NRXN3: variants seen among roughly 807,000 people sequenced by gnomAD.
NRXN3 encodes neurexin III.
NRXN3 carries 32 observed loss-of-function variants against 137.6 expected under a neutral mutation model. The observed-to-expected ratio is 0.23, with a 90% confidence interval of 0.18 to 0.31. The LOEUF (loss-of-function observed/expected upper bound fraction) is 0.31. Among genes scored for constraint, NRXN3 ranks in the 10% least tolerant of loss-of-function variants. NRXN3 has a pLI of 1.00. For missense variants in NRXN3, 1,574 were observed against 2,062.5 expected (o/e 0.76, Z 4.59); for synonymous variants, 798 against 784.5 (o/e 1.02, Z -0.29).
intron 1 of NRXN3, among the ~76,000 whole-genome samples, chr14:78,171,808 T>A (rs1165720762): frequency 6.6e-6 from 1 of 152,166 alleles, no homozygotes; most frequent in Non-Finnish European, 1.5e-5. Flanking sequence ...AGAAATATCA[T>A]CATGCAATGA....
At chr14:79,582,836 C>A (rs889403448) in intron 16 of NRXN3, among the ~76,000 whole-genome samples, 1 of 152,134 alleles carries the variant, frequency 6.6e-6, no homozygotes, top group South Asian at 2.1e-4. Context: ...AATGATTCAG[C>A]AAAACTTCAT....
At chr14:79,771,432 C>A (rs985821666) in intron 19 of NRXN3, among the ~76,000 whole-genome samples, 2 of 152,148 alleles carry the variant, frequency 1.3e-5, no homozygotes, top group Non-Finnish European at 2.9e-5. Flanking sequence ...CCACCATGAT[C>A]AAGTGGGCTT....
intron 4 of NRXN3, among the ~76,000 whole-genome samples, chr14:78,384,684 T>C (rs1050168596): frequency 6.6e-6 from 1 of 152,126 alleles, no homozygotes; most frequent in African/African-American, 2.4e-5. Flanking sequence ...CCAGATTCCC[T>C]TGCCTTTGCT....
intron 15 of NRXN3, among the ~76,000 whole-genome samples, chr14:79,446,204 C>T (rs1353340311): frequency 1.3e-5 from 2 of 152,030 alleles, no homozygotes; most frequent in African/African-American, 4.8e-5. Flanking sequence ...GGATTGGAGA[C>T]CACTAGGGCT....
intron 15 of NRXN3, among the ~76,000 whole-genome samples, chr14:79,255,839 G>A (rs1240582522): frequency 1.3e-5 from 2 of 152,166 alleles, no homozygotes; most frequent in African/African-American, 4.8e-5. Flanking sequence ...CTGATTGGTA[G>A]TGCTGCCTTA....
At chr14:79,840,824 TA>T in intron 20 of NRXN3, among the ~76,000 whole-genome samples, 1 of 152,326 alleles carries the variant, frequency 6.6e-6, no homozygotes, top group South Asian at 2.1e-4. Context: ...TTTAATTATG[TA>T]ATTATAATTT....
intron 4 of NRXN3, among the ~76,000 whole-genome samples, chr14:78,638,841 G>A (rs1474264142): frequency 6.6e-6 from 1 of 152,218 alleles, no homozygotes; most frequent in African/African-American, 2.4e-5. Flanking sequence ...GAGGGTATAT[G>A]CAGCCCCTCC....
chr14:79,046,340 A>T (rs1260011831), intron 15 of NRXN3, among the ~76,000 whole-genome samples: 1 of 152,186 alleles, frequency 6.6e-6, no homozygotes, highest in Non-Finnish European at 1.5e-5. Context: ...GAGAGGATCT[A>T]ACAATTTTTG....
At chr14:79,811,581 CT>C (rs370942970) in intron 20 of NRXN3, among the ~76,000 whole-genome samples, 97 of 116,598 alleles carry the variant, frequency 8.3e-4, no homozygotes, top group South Asian at 3.6e-3. Context: ...TTTCTTTTTT[CT>C]TTTTTTTTTT....
chr14:78,753,570 A>T (rs1308609530), intron 8 of NRXN3, among the ~76,000 whole-genome samples: 1 of 152,216 alleles, frequency 6.6e-6, no homozygotes, highest in African/African-American at 2.4e-5. Flanking sequence ...TCAGTGAATA[A>T]TGATGATAAT....
In NRXN3 at chr14:78,957,302, T is replaced by C; in HGVS notation, c.2336T>C (p.Val779Ala). 6.2e-7 allele frequency: 1 copy of C among 1,614,038 alleles called. No individual in the cohort carries two copies. The highest frequency in any genetic ancestry group is 8.5e-7 in the Non-Finnish European group (1 of 1,179,944). Residue 779 changes from valine (V) to alanine (A), a missense_variant, in exon 11 of 21, where the codon GTT (valine) becomes GCT (alanine). Around this residue, in one of 5 missense-constraint regions of NRXN3, gnomAD observed 718 missense variants for 887.6 expected, o/e 0.81. Coordinates refer to ENST00000335750, the MANE Select transcript of NRXN3 (RefSeq NM_001330195.2). ...CTCAATGACAACGAGTGGCACACCG[T>C]TCGGGTGGTGCGGAGAGGAAAAAGC... ...QKLNDNEWHT[V>A]RVVRRGKSLK...
chr14:78,909,023 C>T (rs1264136222), intron 10 of NRXN3, among the ~76,000 whole-genome samples: 1 of 152,126 alleles, frequency 6.6e-6, no homozygotes, highest in Non-Finnish European at 1.5e-5. Context: ...GCTAACACCA[C>T]AGACATCTCA....
At chr14:79,434,865 G>T (rs2095819233) in intron 15 of NRXN3, among the ~76,000 whole-genome samples, 1 of 152,164 alleles carries the variant, frequency 6.6e-6, no homozygotes, top group South Asian at 2.1e-4. Flanking sequence ...TGCATAAACG[G>T]ATCTGAGTCT....
intron 10 of NRXN3, among the ~76,000 whole-genome samples, chr14:78,848,284 C>T (rs1168655529): frequency 6.6e-6 from 1 of 152,074 alleles, no homozygotes; most frequent in Non-Finnish European, 1.5e-5. Flanking sequence ...TATATAGAGA[C>T]TGGGATAATT....
chr14:78,683,489 A>G (rs2098096562), intron 6 of NRXN3, among the ~76,000 whole-genome samples: 1 of 152,234 alleles, frequency 6.6e-6, no homozygotes. Context: ...AGAAAAACAC[A>G]CTGAACCATC....
chr14:79,582,699 A>G (rs188084433), intron 16 of NRXN3, among the ~76,000 whole-genome samples: 1 of 152,128 alleles, frequency 6.6e-6, no homozygotes, highest in Non-Finnish European at 1.5e-5. Context: ...GATTACATGC[A>G]TGAGTCCCCA....
chr14:79,436,091 A>G (rs1424954286), intron 15 of NRXN3, among the ~76,000 whole-genome samples: 1 of 152,118 alleles, frequency 6.6e-6, no homozygotes, highest in Non-Finnish European at 1.5e-5. Flanking sequence ...GACATTACCC[A>G]TAGAGGTGCC....
intron 10 of NRXN3, among the ~76,000 whole-genome samples, chr14:78,827,036 A>G (rs2098968623): frequency 6.6e-6 from 1 of 152,200 alleles, no homozygotes; most frequent in Non-Finnish European, 1.5e-5. Flanking sequence ...TTCAATAGTT[A>G]TCCATGCCTA....
At chr14:79,366,245 T>C (rs1275232923) in intron 15 of NRXN3, among the ~76,000 whole-genome samples, 1 of 152,222 alleles carries the variant, frequency 6.6e-6, no homozygotes, top group Non-Finnish European at 1.5e-5. Flanking sequence ...AGGCATATAA[T>C]GTGAAATATC....
Sources: allele counts gnomAD v4.1 joint callset (sites outside exome capture counted in the v4.1 genomes callset), GRCh38; gene constraint gnomAD v4.1.1; regional missense constraint gnomAD v4.1.1; transcripts MANE v1.5; gene names NCBI Gene and HGNC (gene_info 2026-07-23, HGNC 2026-07-21).